Variants in OSBPL1A observed in about 807,000 individuals in gnomAD.
OSBPL1A encodes oxysterol binding protein like 1A.
A neutral mutation model predicts 137.1 loss-of-function variants in OSBPL1A; 80 were observed. The observed-to-expected ratio is 0.58, with a 90% CI of 0.49 to 0.70. The LOEUF is 0.70. Ranked by LOEUF, OSBPL1A falls within the 30% of genes least tolerant of loss-of-function variation. OSBPL1A has a pLI of 0.00. For missense variants in OSBPL1A, 970 were observed against 1,129.4 expected (o/e 0.86, Z 2.02); for synonymous variants, 365 against 389.7 (o/e 0.94, Z 0.75).
In OSBPL1A at chr18:24,178,193, T is replaced by C. The variant is rs150121873; in HGVS notation, c.1913A>G (p.Asp638Gly). 385 of 1,477,140 alleles carry C rather than the reference T, an allele frequency of 2.6e-4. No homozygotes were observed. Among genetic ancestry groups the C allele is most frequent in the Non-Finnish European group, 2.9e-4 (317 of 1,105,196 alleles). 91.5% of individuals were successfully genotyped at this position (1,477,140 alleles called of 1,614,324 possible). The change falls in exon 21 of 28, where the codon GAT becomes GGT. Residue 638 changes from aspartate (D) to glycine (G), a missense_variant and splice_region_variant. Around this residue, in one of 2 missense-constraint regions of OSBPL1A, gnomAD observed 323 missense variants for 456.8 expected, o/e 0.71. Coordinates refer to ENST00000319481, the MANE Select transcript of OSBPL1A (RefSeq NM_080597.4). ...GGAGATGAGTCTAAATCCAAGGTCA[T>C]CTCTTAAGATTTAAAAAAAAAAAAA... ...LLGETYELVR[D>G]DLGFRLISEQ...
intron 1 of OSBPL1A, among the ~76,000 whole-genome samples, chr18:24,381,206 T>C (rs1301141532): frequency 2.0e-5 from 3 of 150,998 alleles, no homozygotes; most frequent in Non-Finnish European, 4.4e-5. Context: ...AGCCAAGGAG[T>C]AGGGTCAGGG....
At chr18:24,204,249 G>T (rs776831251) in intron 17 of OSBPL1A, among the ~76,000 whole-genome samples, 3 of 152,170 alleles carry the variant, frequency 2.0e-5, no homozygotes, top group Non-Finnish European at 4.4e-5. Context: ...CGGTAATGAT[G>T]CTACCTTGTT....
chr18:24,218,801 A>C (rs2087792999), intron 17 of OSBPL1A, among the ~76,000 whole-genome samples: 1 of 152,158 alleles, frequency 6.6e-6, no homozygotes, highest in African/African-American at 2.4e-5. Context: ...ATCACTAGAG[A>C]GTATAGTTTA....
intron 4 of OSBPL1A, chr18:24,358,247 A>G (rs541349808): frequency 6.6e-5 from 34 of 517,976 alleles, no homozygotes; most frequent in Non-Finnish European, 6.4e-5. Context: ...GAGGGTTTCC[A>G]GAGTATCCAC....
intron 1 of OSBPL1A, among the ~76,000 whole-genome samples, chr18:24,385,436 A>C (rs1187941015): frequency 2.6e-5 from 4 of 152,206 alleles, no homozygotes; most frequent in African/African-American, 4.8e-5. Context: ...GGGAGTTATC[A>C]TCATATAAGT....
chr18:24,281,034 T>A, intron 14 of OSBPL1A, 86 bp from the exon 15 acceptor site: 1 of 746,304 alleles, frequency 1.3e-6, no homozygotes, highest in Non-Finnish European at 2.1e-6. Context: ...TCATATCTAT[T>A]AACCTCATCT....
At chr18:24,171,331 C>A in intron 23 of OSBPL1A, 78 bp downstream of exon 23, 1 of 1,161,772 alleles carries the variant, frequency 8.6e-7, no homozygotes, top group Non-Finnish European at 1.3e-6. Flanking sequence ...TGTGCCCAGC[C>A]GACAATGTAT....
At chr18:24,207,048 C>T (rs958855588) in intron 17 of OSBPL1A, among the ~76,000 whole-genome samples, 7 of 152,074 alleles carry the variant, frequency 4.6e-5, no homozygotes, top group Non-Finnish European at 7.4e-5. Flanking sequence ...GAAAGAAAAA[C>T]GGTGAAAAAA....
At chr18:24,336,433 A>G (rs1039941773) in intron 5 of OSBPL1A, among the ~76,000 whole-genome samples, 4 of 152,178 alleles carry the variant, frequency 2.6e-5, no homozygotes, top group East Asian at 1.9e-4. Flanking sequence ...GATTACATCA[A>G]TGAAAACAAA....
intron 1 of OSBPL1A, among the ~76,000 whole-genome samples, chr18:24,380,813 A>G (rs1435640945): frequency 6.6e-6 from 1 of 152,124 alleles, no homozygotes. Context: ...TTAGCCAGGC[A>G]TGGTGGCACA....
chr18:24,167,628 A>G (rs1302561019), intron 24 of OSBPL1A, among the ~76,000 whole-genome samples, 183 bp from the exon 25 acceptor site: 1 of 152,214 alleles, frequency 6.6e-6, no homozygotes, highest in Non-Finnish European at 1.5e-5. Context: ...GGATCAAGTA[A>G]GGGAAATGAC....
At chr18:24,380,557 T>C (rs1002786400) in intron 1 of OSBPL1A, among the ~76,000 whole-genome samples, 50 of 152,298 alleles carry the variant, frequency 3.3e-4, no homozygotes, top group African/African-American at 1.1e-3. Flanking sequence ...GGATCCAGGA[T>C]CCCACATCTG....
intron 17 of OSBPL1A, among the ~76,000 whole-genome samples, chr18:24,199,489 C>A (rs2087148122): frequency 6.6e-6 from 1 of 151,986 alleles, no homozygotes; most frequent in South Asian, 2.1e-4. Flanking sequence ...GTGTTGATGA[C>A]CTCCTACCCC....
At chr18:24,314,519 G>A (rs2090682761) in intron 11 of OSBPL1A, among the ~76,000 whole-genome samples, 172 bp from the exon 12 acceptor site, 1 of 152,174 alleles carries the variant, frequency 6.6e-6, no homozygotes, top group Non-Finnish European at 1.5e-5. Flanking sequence ...AGTATCAAAT[G>A]CACTGTAGAA....
At chr18:24,332,338 A>G (rs1189184986) in intron 7 of OSBPL1A, among the ~76,000 whole-genome samples, 2 of 134,550 alleles carry the variant, frequency 1.5e-5, no homozygotes, top group African/African-American at 5.6e-5. Flanking sequence ...GTGAGCTGAG[A>G]TGGCACCACT....
intron 18 of OSBPL1A, among the ~76,000 whole-genome samples, chr18:24,185,284 GAA>G (rs1364809150): frequency 6.6e-6 from 1 of 151,802 alleles, no homozygotes; most frequent in Admixed American, 6.6e-5. Context: ...TATAAACTAT[GAA>G]CTTGGGGTGA....
chr18:24,172,129 C>CG (rs1567917523), intron 22 of OSBPL1A, among the ~76,000 whole-genome samples: 2 of 151,916 alleles, frequency 1.3e-5, no homozygotes, highest in African/African-American at 4.8e-5. Context: ...TTAGTAGAGA[C>CG]GGGGTTTCAC....
intron 15 of OSBPL1A, among the ~76,000 whole-genome samples, chr18:24,248,969 C>T (rs751975739): frequency 5.3e-5 from 8 of 152,190 alleles, no homozygotes; most frequent in Non-Finnish European, 1.2e-4. Flanking sequence ...AAGATGAACG[C>T]GTCTTCTGAA....
intron 1 of OSBPL1A, among the ~76,000 whole-genome samples, chr18:24,395,996 G>A (rs377424774): frequency 1.4e-4 from 21 of 150,308 alleles, no homozygotes; most frequent in Non-Finnish European, 2.7e-4. Flanking sequence ...CGAGGCAGGC[G>A]GATCATAAGG....
Sources: allele counts gnomAD v4.1 joint callset (sites outside exome capture counted in the v4.1 genomes callset), GRCh38; gene constraint gnomAD v4.1.1; regional missense constraint gnomAD v4.1.1; transcripts MANE v1.5; gene names NCBI Gene and HGNC (gene_info 2026-07-23, HGNC 2026-07-21).